The following ZFAND6 variants were observed in gnomAD, a reference collection of about 807,000 sequenced individuals.
The protein encoded by ZFAND6 is zinc finger AN1-type containing 6.
Under a neutral mutation model 24.5 loss-of-function variants are expected in ZFAND6, and 12 were observed. The observed-to-expected ratio is 0.49, with a 90% confidence interval of 0.31 to 0.79. ZFAND6 has a LOEUF of 0.79. Among genes scored for constraint, ZFAND6 ranks in the 30% least tolerant of loss-of-function variants. The pLI is 0.04. For missense variants in ZFAND6, 207 were observed against 245.9 expected (o/e 0.84, Z 1.06); for synonymous variants, 92 against 81.5 (o/e 1.13, Z -0.69).
chr15:80,118,034 G>GTGTA (rs1298436592), intron 2 of ZFAND6, among the ~76,000 whole-genome samples: 4 of 151,558 alleles, frequency 2.6e-5, no homozygotes, highest in African/African-American at 4.9e-5. Context: ...GTGTGTGTGT[G>GTGTA]TATATGTATG....
intron 6 of ZFAND6, chr15:80,131,587 G>C (rs1327945855): frequency 2.5e-6 from 1 of 396,770 alleles, no homozygotes; most frequent in African/African-American, 2.0e-5. Flanking sequence ...CTGCTTTTAA[G>C]GAGAGAATAT....
intron 2 of ZFAND6, among the ~76,000 whole-genome samples, chr15:80,118,342 T>G (rs1030717621): frequency 9.4e-5 from 14 of 148,852 alleles, no homozygotes; most frequent in Admixed American, 2.0e-4. Context: ...CCAGGATGGC[T>G]CTAGCTCCTG....
chr15:80,112,840 C>T (rs2039678845), intron 2 of ZFAND6: 1 of 456,074 alleles, frequency 2.2e-6, no homozygotes. Context: ...ATCTCAAGCA[C>T]CTATGCCAAG....
At chr15:80,122,008 G>A (rs554804746) in intron 4 of ZFAND6, among the ~76,000 whole-genome samples, 188 bp downstream of exon 4, 9 of 152,186 alleles carry the variant, frequency 5.9e-5, no homozygotes, top group Non-Finnish European at 8.8e-5. Context: ...GGGGGTTATC[G>A]TTTAAGTCTT....
chr15:80,090,008 C>T (rs997454974), intron 1 of ZFAND6, among the ~76,000 whole-genome samples: 4 of 152,280 alleles, frequency 2.6e-5, no homozygotes, highest in East Asian at 1.9e-4. Flanking sequence ...TTCCCTATAA[C>T]GAAGCTAATC....
chr15:80,094,939 G>A (rs180693573), intron 1 of ZFAND6, among the ~76,000 whole-genome samples: 3 of 152,048 alleles, frequency 2.0e-5, no homozygotes, highest in East Asian at 1.9e-4. Context: ...CGCCCGGCTC[G>A]TTTTTGTATT....
chr15:80,070,402 T>A (rs989096081), intron 1 of ZFAND6, among the ~76,000 whole-genome samples: 1 of 152,228 alleles, frequency 6.6e-6, no homozygotes. Context: ...TGAGAAGCAA[T>A]ATTGTTTTCA....
intron 6 of ZFAND6, 81 bp downstream of exon 6, chr15:80,131,374 G>A (rs1173793811): frequency 8.4e-7 from 1 of 1,193,592 alleles, no homozygotes; most frequent in South Asian, 1.5e-5. Flanking sequence ...CTTCAATTAA[G>A]ATTGTTCCTG....
chr15:80,065,732 A>G (rs1287955850), intron 1 of ZFAND6, among the ~76,000 whole-genome samples: 1 of 151,502 alleles, frequency 6.6e-6, no homozygotes, highest in Non-Finnish European at 1.5e-5. Context: ...TTTAGTAGAG[A>G]TAGGGTTTCA....
chr15:80,132,630 T>G (rs1160416769), intron 6 of ZFAND6, among the ~76,000 whole-genome samples: 1 of 152,188 alleles, frequency 6.6e-6, no homozygotes, highest in Admixed American at 6.5e-5. Flanking sequence ...TTTCAGCAGT[T>G]TGTCTCTGTA....
At chr15:80,069,147 A>G (rs2141808609) in intron 1 of ZFAND6, among the ~76,000 whole-genome samples, 1 of 152,300 alleles carries the variant, frequency 6.6e-6, no homozygotes, top group South Asian at 2.1e-4. Context: ...AAGGAGAGAG[A>G]GAATTTAAAG....
Position 80,079,038 on chromosome 15 carries a change from C to T in ZFAND6, c.-181+19229C>T, listed in dbSNP as rs1393097835. On this transcript the variant is annotated intron_variant, in intron 1 of 6. Transcript: ENST00000261749. ...TATCTCCTAATGCTATCCCTCCCCC[C>T]TCCCGCCACCCCACAACAGTCCCCA... Among the ~76,000 whole-genome samples, 6 of 151,500 alleles carry T rather than the reference C, an allele frequency of 4.0e-5. 1 individual carries two copies. The East Asian group carries it at 5.8e-4, about 15-fold the overall frequency.
intron 1 of ZFAND6, among the ~76,000 whole-genome samples, chr15:80,094,477 C>G (rs897022760): frequency 2.0e-5 from 3 of 151,888 alleles, no homozygotes; most frequent in African/African-American, 7.3e-5. Flanking sequence ...CCCCTACCCC[C>G]TACCCCAAAA....
chr15:80,083,485 G>C (rs928837308), intron 1 of ZFAND6, among the ~76,000 whole-genome samples: 1 of 152,208 alleles, frequency 6.6e-6, no homozygotes, highest in Non-Finnish European at 1.5e-5. Flanking sequence ...CATTGGAGCA[G>C]AGTCAGAGAA....
intron 2 of ZFAND6, among the ~76,000 whole-genome samples, chr15:80,112,577 T>C (rs1465885580): frequency 6.6e-6 from 1 of 152,144 alleles, no homozygotes; most frequent in Non-Finnish European, 1.5e-5. Flanking sequence ...TTTGTATTTT[T>C]AGTAGAGATA....
At chr15:80,105,428 G>T (rs1412593275) in intron 2 of ZFAND6, among the ~76,000 whole-genome samples, 1 of 152,126 alleles carries the variant, frequency 6.6e-6, no homozygotes, top group Admixed American at 6.5e-5. Context: ...TTGGATTTAT[G>T]ACTGCAGCTA....
chr15:80,112,751 T>C (rs1214257217), intron 2 of ZFAND6: 2 of 455,966 alleles, frequency 4.4e-6, no homozygotes, highest in East Asian at 6.9e-5. Context: ...CCATCCCTCA[T>C]GTCTCTTTAT....
At chr15:80,076,740 C>G (rs571935079) in intron 1 of ZFAND6, among the ~76,000 whole-genome samples, 22 of 152,244 alleles carry the variant, frequency 1.4e-4, no homozygotes, top group African/African-American at 5.3e-4. Flanking sequence ...GAAGTCCTTT[C>G]CTTTACACAC....
chr15:80,061,451 C>G (rs528925435), intron 1 of ZFAND6, among the ~76,000 whole-genome samples: 1 of 152,096 alleles, frequency 6.6e-6, no homozygotes, highest in Admixed American at 6.5e-5. Context: ...ATGACTCCCC[C>G]CAAACCCAAA....
Sources: allele counts gnomAD v4.1 joint callset (sites outside exome capture counted in the v4.1 genomes callset), GRCh38; gene constraint gnomAD v4.1.1; transcripts MANE v1.5; gene names NCBI Gene and HGNC (gene_info 2026-07-23, HGNC 2026-07-21).